CFAP20DC: variants seen among roughly 807,000 people sequenced by gnomAD.
The protein encoded by CFAP20DC is CFAP20 domain containing.
Under a neutral mutation model 101.7 loss-of-function variants are expected in CFAP20DC, and 84 were observed. That is an observed-to-expected ratio of 0.83 (90% confidence interval 0.69 to 0.99). The LOEUF (loss-of-function observed/expected upper bound fraction) is 0.99. Among genes scored for constraint, CFAP20DC ranks in the 50% least tolerant of loss-of-function variants. The probability of loss-of-function intolerance (pLI) is 0.00; values close to 1 mark genes in which losing one functional copy is unlikely to be tolerated. For synonymous variants in CFAP20DC, 359 were observed against 351.2 expected (o/e 1.02, Z -0.25); for missense variants, 1,007 against 970.3 (o/e 1.04, Z -0.50).
intron 15 of CFAP20DC, among the ~76,000 whole-genome samples, chr3:58,789,309 G>A (rs1432250329): frequency 6.6e-6 from 1 of 152,006 alleles, no homozygotes; most frequent in Non-Finnish European, 1.5e-5. Context: ...GTGGAATGAT[G>A]GGACTTAATG....
Position 58,722,907 on chromosome 3 carries a change from CTT to C in CFAP20DC, c.198-5281_198-5280del, listed in dbSNP as rs1339415123. Among the ~76,000 whole-genome samples, 2 of 152,210 alleles carry C rather than the reference CTT, an allele frequency of 1.3e-5. No homozygotes were observed. The highest frequency in any genetic ancestry group is 2.9e-5 in the Non-Finnish European group (2 of 68,038). On this transcript the variant is annotated intron_variant, in intron 3 of 3. Coordinates refer to the CFAP20DC transcript ENST00000486145. The surrounding 1 kb of genome is among the most constrained non-coding windows in gnomAD (Gnocchi z 4.5). ...TCTGATTCAAATTCACCTTTCAAAT[CTT>C]TACCTTGTCAATTTTGGTAACATGC... is the stretch of plus-strand genomic sequence containing the variant.
chr3:58,983,714 G>A (rs1423721747), intron 4 of CFAP20DC, among the ~76,000 whole-genome samples: 1 of 152,004 alleles, frequency 6.6e-6, no homozygotes, highest in Non-Finnish European at 1.5e-5. Flanking sequence ...CCTATATATG[G>A]CTTAATCTGT....
chr3:58,951,537 G>A (rs1168262026), intron 4 of CFAP20DC, among the ~76,000 whole-genome samples: 1 of 152,178 alleles, frequency 6.6e-6, no homozygotes, highest in Admixed American at 6.5e-5. Flanking sequence ...ACTGGATTAA[G>A]AAAATGTGGC....
At chr3:58,855,834 G>C (rs1161571397) in intron 12 of CFAP20DC, among the ~76,000 whole-genome samples, 2 of 120,558 alleles carry the variant, frequency 1.7e-5, no homozygotes, top group Non-Finnish European at 3.3e-5. Flanking sequence ...GGGGACTATT[G>C]TGGGGTGGGG....
At chr3:58,746,262 CAT>C (rs2068198208) in intron 16 of CFAP20DC, among the ~76,000 whole-genome samples, 1 of 152,124 alleles carries the variant, frequency 6.6e-6, no homozygotes. Context: ...GTTTAAATCA[CAT>C]ATCCCTGAGG....
intron 4 of CFAP20DC, among the ~76,000 whole-genome samples, chr3:58,942,018 C>T (rs892137518): frequency 3.9e-5 from 6 of 152,176 alleles, no homozygotes; most frequent in African/African-American, 1.4e-4. Flanking sequence ...TACTTTATCA[C>T]ACTGAGGATG....
At chr3:58,862,720 T>C in intron 12 of CFAP20DC, 1 of 964,814 alleles carries the variant, frequency 1.0e-6, no homozygotes, top group Non-Finnish European at 1.2e-6. Flanking sequence ...TTTCTAGTTA[T>C]TTCTATAATT....
intron 16 of CFAP20DC, among the ~76,000 whole-genome samples, chr3:58,752,857 G>C (rs986144313): frequency 6.6e-6 from 1 of 151,944 alleles, no homozygotes; most frequent in African/African-American, 2.4e-5. Flanking sequence ...AACAAAACCT[G>C]GCACTTTTGT....
At chr3:58,848,203 A>T (rs911591593) in intron 13 of CFAP20DC, among the ~76,000 whole-genome samples, 8 of 151,500 alleles carry the variant, frequency 5.3e-5, no homozygotes, top group Non-Finnish European at 8.8e-5. Flanking sequence ...AGACTGGTAC[A>T]TGATGAATGT....
intron 14 of CFAP20DC, among the ~76,000 whole-genome samples, chr3:58,814,006 C>G (rs1175793305): frequency 6.6e-6 from 1 of 151,880 alleles, no homozygotes; most frequent in Non-Finnish European, 1.5e-5. Flanking sequence ...AACAGGTTCT[C>G]TGGACAAACT....
intron 15 of CFAP20DC, among the ~76,000 whole-genome samples, chr3:58,793,669 G>T (rs1254237676): frequency 6.6e-6 from 1 of 152,184 alleles, no homozygotes; most frequent in Non-Finnish European, 1.5e-5. Context: ...TTACTAAGGT[G>T]TCAAGGAAAA....
In CFAP20DC at chr3:58,937,753, A is replaced by T; in HGVS notation, c.288T>A (p.Asp96Glu). Residue 96 changes from aspartate to glutamate, a missense_variant, in exon 5 of 17, where the codon GAT becomes GAA. Transcript: ENST00000482387. ...ATAATCTTCTTTTGATGTTCCCTAA[A>T]TCAGTAATTCTGAAAACATGGAGGA... Reference protein sequence around the residue: ...QDFSTELLITDLGNIKRRLYL... With the variant: ...QDFSTELLITELGNIKRRLYL... The T allele has an allele frequency of 6.4e-7, 1 of 1,571,804 alleles. No homozygotes were observed. The highest frequency in any genetic ancestry group is 8.8e-7 in the Non-Finnish European group (1 of 1,142,292).
intron 14 of CFAP20DC, among the ~76,000 whole-genome samples, chr3:58,818,194 A>T (rs1177349401): frequency 6.6e-6 from 1 of 151,994 alleles, no homozygotes; most frequent in Non-Finnish European, 1.5e-5. Context: ...TCATGCCAAA[A>T]TGTAAAGACC....
intron 15 of CFAP20DC, among the ~76,000 whole-genome samples, chr3:58,798,803 A>T (rs2107678854): frequency 6.6e-6 from 1 of 152,378 alleles, no homozygotes; most frequent in South Asian, 2.1e-4. Context: ...ATCAACATCC[A>T]GACAAGACCC....
chr3:58,753,988 G>GA (rs2068750898), intron 15 of CFAP20DC, 125 bp from the exon 16 acceptor site: 10 of 621,694 alleles, frequency 1.6e-5, no homozygotes, highest in Non-Finnish European at 2.2e-5. Flanking sequence ...TCATATTTCA[G>GA]AAAGACAGAT....
intron 5 of CFAP20DC, among the ~76,000 whole-genome samples, chr3:58,918,572 A>G (rs560022231): frequency 1.3e-5 from 2 of 152,290 alleles, no homozygotes; most frequent in South Asian, 2.1e-4. Flanking sequence ...ATTATTCTGA[A>G]GTCATTCACT....
chr3:58,946,859 A>C (rs1195646854), intron 4 of CFAP20DC, among the ~76,000 whole-genome samples: 1 of 152,206 alleles, frequency 6.6e-6, no homozygotes, highest in Non-Finnish European at 1.5e-5. Flanking sequence ...TGGAAGAGCA[A>C]CATCTAAATC....
At chr3:58,985,238 C>G (rs915403309) in intron 4 of CFAP20DC, among the ~76,000 whole-genome samples, 14 of 152,062 alleles carry the variant, frequency 9.2e-5, no homozygotes, top group African/African-American at 3.4e-4. Flanking sequence ...AATTGTGGTT[C>G]ATTTATTAAT....
At chr3:58,922,373 T>G (rs913174796) in intron 5 of CFAP20DC, among the ~76,000 whole-genome samples, 1 of 152,180 alleles carries the variant, frequency 6.6e-6, no homozygotes, top group Admixed American at 6.5e-5. Flanking sequence ...GGATATGGCT[T>G]ATTTGGCCCC....
Sources: allele counts gnomAD v4.1 joint callset (sites outside exome capture counted in the v4.1 genomes callset), GRCh38; gene constraint gnomAD v4.1.1; non-coding constraint Gnocchi (gnomAD v3.1); transcripts MANE v1.5; gene names NCBI Gene and HGNC (gene_info 2026-07-23, HGNC 2026-07-21).